Variants in CCSER1 observed in about 807,000 individuals in gnomAD.
The protein encoded by CCSER1 is coiled-coil serine rich protein 1.
CCSER1 carries 41 observed loss-of-function variants against 82.0 expected under a neutral mutation model. That is an observed-to-expected ratio of 0.50 (90% CI 0.39 to 0.65). The LOEUF (loss-of-function observed/expected upper bound fraction) is 0.65, where lower values mean the gene tolerates loss of function less well. Among genes scored for constraint, CCSER1 ranks in the 30% least tolerant of loss-of-function variants. The pLI, the probability that CCSER1 is intolerant of heterozygous loss-of-function variation, is 0.00. For missense variants in CCSER1, 1,119 were observed against 1,064.2 expected (o/e 1.05, Z -0.72); for synonymous variants, 414 against 383.9 (o/e 1.08, Z -0.92).
chr4:91,080,095 C>A (rs771745052), intron 9 of CCSER1, among the ~76,000 whole-genome samples: 3 of 152,154 alleles, frequency 2.0e-5, no homozygotes, highest in Non-Finnish European at 4.4e-5. Context: ...ACTCTCCACC[C>A]CAAAACAACA....
chr4:91,232,220 A>G (rs1485739154), intron 10 of CCSER1, among the ~76,000 whole-genome samples: 1 of 151,918 alleles, frequency 6.6e-6, no homozygotes, highest in Non-Finnish European at 1.5e-5. Flanking sequence ...TTACATTTCT[A>G]GGACTTTATA....
intron 1 of CCSER1, among the ~76,000 whole-genome samples, chr4:90,254,209 A>G (rs574206724): frequency 1.3e-5 from 2 of 152,274 alleles, no homozygotes; most frequent in South Asian, 4.1e-4. Context: ...CCCTGTCCCA[A>G]ATAAAGCCAG....
intron 7 of CCSER1, among the ~76,000 whole-genome samples, chr4:90,764,445 C>T (rs1394886567): frequency 6.6e-6 from 1 of 152,032 alleles, no homozygotes; most frequent in African/African-American, 2.4e-5. Flanking sequence ...ATGGAATGCA[C>T]AAATAATACT....
intron 1 of CCSER1, among the ~76,000 whole-genome samples, chr4:90,156,564 G>A (rs1728232677): frequency 6.6e-6 from 1 of 152,064 alleles, no homozygotes; most frequent in Admixed American, 6.5e-5. Context: ...CTCCTGTATT[G>A]GGTGCATATA....
rs1317206985 is a variant in CCSER1 at position 90,638,166 on chromosome 4, T to G, written c.1932+9934T>G. Among the ~76,000 whole-genome samples the G allele has an allele frequency of 2.0e-5, 3 of 152,288 alleles. No homozygotes were observed. In the East Asian group the frequency reaches 5.8e-4, roughly 29 times the overall value. ...AAACAAAAGGCATCTTCTGTGTGAG[T>G]GAACTAGGTACTCTGCAGCACCACA... On this transcript the variant is annotated intron_variant, in intron 6 of 10. Coordinates refer to ENST00000509176, the MANE Select transcript of CCSER1 (RefSeq NM_001145065.2).
intron 10 of CCSER1, among the ~76,000 whole-genome samples, chr4:91,234,127 G>A (rs544276444): frequency 6.6e-6 from 1 of 152,076 alleles, no homozygotes; most frequent in Non-Finnish European, 1.5e-5. Flanking sequence ...AAAACACCTT[G>A]AATTTTTGAT....
intron 1 of CCSER1, among the ~76,000 whole-genome samples, chr4:90,237,376 T>A (rs1745994493): frequency 6.6e-6 from 1 of 152,182 alleles, no homozygotes; most frequent in African/African-American, 2.4e-5. Context: ...TGTGCTGTGC[T>A]TAGAGTTTTT....
intron 8 of CCSER1, among the ~76,000 whole-genome samples, chr4:90,909,681 T>C (rs1156278253): frequency 6.6e-6 from 1 of 152,228 alleles, no homozygotes; most frequent in African/African-American, 2.4e-5. Context: ...ATCTCTTTTA[T>C]GTCCCTCTTT....
chr4:91,071,844 T>C (rs1262565222), intron 9 of CCSER1, among the ~76,000 whole-genome samples: 1 of 152,182 alleles, frequency 6.6e-6, no homozygotes, highest in East Asian at 1.9e-4. Flanking sequence ...ACCACCATGA[T>C]TGCATGCTAA....
At chr4:91,402,771 A>C (rs1462372141) in intron 10 of CCSER1, among the ~76,000 whole-genome samples, 1 of 152,190 alleles carries the variant, frequency 6.6e-6, no homozygotes, top group African/African-American at 2.4e-5. Flanking sequence ...TTTTGATACC[A>C]GTGCCATGCT....
At chr4:91,039,306 G>T (rs528897025) in intron 9 of CCSER1, among the ~76,000 whole-genome samples, 1 of 151,724 alleles carries the variant, frequency 6.6e-6, no homozygotes, top group Non-Finnish European at 1.5e-5. Flanking sequence ...GCCTCCCAAA[G>T]TGCTGAGATT....
chr4:90,881,425 T>C (rs1721299424), intron 8 of CCSER1, among the ~76,000 whole-genome samples: 3 of 152,194 alleles, frequency 2.0e-5, no homozygotes, highest in Non-Finnish European at 2.9e-5. Context: ...TACTTTGAGA[T>C]AACTCCAAGA....
chr4:91,372,888 G>C (rs1750140774), intron 10 of CCSER1, among the ~76,000 whole-genome samples: 1 of 151,986 alleles, frequency 6.6e-6, no homozygotes, highest in African/African-American at 2.4e-5. Flanking sequence ...ATGCAGTCAT[G>C]GAGTGCTGAA....
intron 10 of CCSER1, among the ~76,000 whole-genome samples, chr4:91,239,191 A>G (rs1439299708): frequency 7.6e-6 from 1 of 130,818 alleles, no homozygotes; most frequent in Admixed American, 8.3e-5. Flanking sequence ...ACTTCATCTT[A>G]TGGATGGGAT....
intron 7 of CCSER1, among the ~76,000 whole-genome samples, chr4:90,812,437 T>G (rs1758474151): frequency 6.6e-6 from 1 of 152,136 alleles, no homozygotes; most frequent in Non-Finnish European, 1.5e-5. Context: ...ATTGTGTACA[T>G]TGAGGTCGTG....
chr4:90,333,134 G>A (rs748051300), intron 3 of CCSER1, among the ~76,000 whole-genome samples: 6 of 152,174 alleles, frequency 3.9e-5, no homozygotes, highest in Non-Finnish European at 8.8e-5. Flanking sequence ...AGTGGATCAT[G>A]TCAGGGGGTG....
intron 10 of CCSER1, among the ~76,000 whole-genome samples, chr4:91,486,740 A>G (rs1487365992): frequency 2.2e-4 from 33 of 152,088 alleles, no homozygotes; most frequent in Admixed American, 2.2e-3. Flanking sequence ...TGCAACTACT[A>G]TGCCATTTTA....
In CCSER1 at chr4:90,691,573, G is replaced by T. The variant is rs533434863; in HGVS notation, c.1933-32341G>T. Among the ~76,000 whole-genome samples, 500 of 151,484 alleles carry T rather than the reference G, an allele frequency of 3.3e-3. 3 individuals are homozygous for T. The highest frequency in any genetic ancestry group is 0.011 in the African/African-American group (463 of 41,356). ...CATATCACATGTGTGTATATCACAT[G>T]TATAATGCATGTGAATATATCACAT... On this transcript the variant is annotated intron_variant, in intron 6 of 10. Transcript: ENST00000509176.
chr4:91,275,297 GTTT>G (rs757350305), intron 10 of CCSER1, among the ~76,000 whole-genome samples: 3 of 145,682 alleles, frequency 2.1e-5, no homozygotes, highest in African/African-American at 7.7e-5. Context: ...GCCAGCATCT[GTTT>G]TTTTTTGTTT....
Sources: gnomAD v4.1 joint callset for allele counts (sites outside exome capture counted in the v4.1 genomes callset) on GRCh38, gnomAD v4.1.1 for gene constraint, MANE v1.5 for transcripts, NCBI Gene and HGNC (gene_info 2026-07-23, HGNC 2026-07-21) for gene names.